The following TLN2 variants were observed in gnomAD, a reference collection of about 807,000 sequenced individuals.
TLN2 encodes talin 2, also known as talin-2.
TLN2 carries 118 observed loss-of-function variants against 294.7 expected under a neutral mutation model. The observed-to-expected ratio is 0.40, with a 90% CI of 0.34 to 0.47. The LOEUF (loss-of-function observed/expected upper bound fraction) is 0.47, where lower values mean the gene tolerates loss of function less well. TLN2 is among the 20% of genes least tolerant of loss of function. The probability of loss-of-function intolerance (pLI) is 0.84; values close to 1 mark genes in which losing one functional copy is unlikely to be tolerated. For missense variants in TLN2, 3,083 were observed against 3,282.2 expected (o/e 0.94, Z 1.48); for synonymous variants, 1,431 against 1,304.5 (o/e 1.10, Z -2.09).
rs369958127 is a variant in TLN2 at position 62,756,776 on chromosome 15, G to A, written c.4638+1083G>A. Among the ~76,000 whole-genome samples, 3 of 152,200 alleles carry A rather than the reference G, an allele frequency of 2.0e-5. No homozygotes were observed. The East Asian group carries it at 5.8e-4, about 30-fold the overall frequency. ...AATTGCATGCAGAAATCAGTCAACA[G>A]GATGACCAAGCAGAGGCAAAAGGAG... On this transcript the variant is annotated intron_variant, in intron 37 of 58. Coordinates refer to ENST00000636159, the MANE Select transcript of TLN2 (RefSeq NM_015059.3).
Position 62,764,070 on chromosome 15 carries a change from A to G in TLN2, c.5094+375A>G, listed in dbSNP as rs142541009. Among the ~76,000 whole-genome samples, 635 of 152,330 alleles carry G rather than the reference A, an allele frequency of 4.2e-3. 1 individual carries two copies. The highest frequency in any genetic ancestry group is 7.1e-3 in the Non-Finnish European group (482 of 68,028). The stretch of plus-strand genomic sequence containing the variant: ...GAATAATTCTCTGTTGTCGTATTTC[A>G]TCAGTGTGCTTTTTAGTTAGTTGGC... On this transcript the variant is annotated intron_variant, in intron 40 of 58. Transcript: ENST00000636159.
At chr15:62,628,398 G>A (rs766256322) in intron 3 of TLN2, among the ~76,000 whole-genome samples, 2 of 152,200 alleles carry the variant, frequency 1.3e-5, no homozygotes, top group African/African-American at 4.8e-5. Context: ...AATTACACAG[G>A]AGCAAAAGTG....
At chr15:62,664,625 G>A (rs1039255940) in intron 9 of TLN2, among the ~76,000 whole-genome samples, 2 of 151,906 alleles carry the variant, frequency 1.3e-5, no homozygotes, top group Non-Finnish European at 2.9e-5. Flanking sequence ...TTGGGAGGCC[G>A]AAGTGGGTGG....
At chr15:62,640,964 G>A (rs575241877) in intron 3 of TLN2, among the ~76,000 whole-genome samples, 136 of 151,972 alleles carry the variant, frequency 8.9e-4, no homozygotes, top group African/African-American at 3.0e-3. Flanking sequence ...ACCATGCTCG[G>A]CTAATTTTTG....
rs1430272230 is a variant in TLN2 at position 62,763,678 on chromosome 15, G to A, written c.5077G>A (p.Asp1693Asn). 1.2e-6 allele frequency: 2 copies of A among 1,610,434 alleles called. No individual in the cohort carries two copies. Among genetic ancestry groups the A allele is most frequent in the Non-Finnish European group, 1.7e-6 (2 of 1,178,448 alleles). Residue 1693 changes from aspartate to asparagine, a missense_variant, in exon 40 of 59, where the codon GAC (aspartate) becomes AAC (asparagine). Transcript: ENST00000636159. ...CGTCAGCCAGAGCCTGGCCACGAGG[G>A]ACGACATCTCTGTGGAGGTAAGCTG... ...AAVSQSLATR[D>N]DISVEALQEQ...
intron 3 of TLN2, among the ~76,000 whole-genome samples, chr15:62,618,783 G>A (rs1363045546): frequency 6.6e-6 from 1 of 152,168 alleles, no homozygotes; most frequent in Middle Eastern, 3.2e-3. Flanking sequence ...CTGATGTGTA[G>A]GTTTTTAGAG....
intron 4 of TLN2, 99 bp downstream of exon 4, chr15:62,647,545 T>C: frequency 6.6e-7 from 1 of 1,510,102 alleles, no homozygotes; most frequent in Non-Finnish European, 9.1e-7. Flanking sequence ...ACAAGCCTAT[T>C]AGTGCATATG....
At chr15:62,649,653 C>G (rs2052361239) in intron 4 of TLN2, among the ~76,000 whole-genome samples, 1 of 152,146 alleles carries the variant, frequency 6.6e-6, no homozygotes. Context: ...GACGTAAAGG[C>G]TTCATTTGTC....
chr15:62,393,839 T>G (rs2032303339), intron 1 of TLN2, among the ~76,000 whole-genome samples: 1 of 151,716 alleles, frequency 6.6e-6, no homozygotes, highest in Non-Finnish European at 1.5e-5. Context: ...TTGTTGCCTC[T>G]TGCCTGATTC....
chr15:62,541,232 TA>T (rs1244886433), intron 1 of TLN2, among the ~76,000 whole-genome samples: 2 of 152,128 alleles, frequency 1.3e-5, no homozygotes, highest in Non-Finnish European at 2.9e-5. Flanking sequence ...ATAACAACAT[TA>T]AAAATAGGAA....
chr15:62,748,375 A>T lies in TLN2; in HGVS notation c.4050A>T (p.Gln1350His), dbSNP rs377488539. The change falls in exon 33 of 59, where the codon CAA becomes CAT. Residue 1350 changes from glutamine to histidine, a missense_variant. Physicochemically the swap from Gln to His is conservative, Grantham distance 24. Transcript: ENST00000636159. The stretch of plus-strand genomic sequence containing the variant: ...GAGCTGTGACAGAGAGCATCAATCA[A>T]CTCATCACTCTGTGTACCCAACAAG... The part of the protein sequence containing the change: ...AARAVTESIN[Q>H]LITLCTQQAP... The T allele has an allele frequency of 6.2e-7, 1 of 1,613,112 alleles. No individual in the cohort carries two copies. Among genetic ancestry groups the T allele is most frequent in the Non-Finnish European group, 8.5e-7 (1 of 1,179,930 alleles).
At chr15:62,607,670 C>G (rs970006481) in intron 2 of TLN2, among the ~76,000 whole-genome samples, 6 of 152,148 alleles carry the variant, frequency 3.9e-5, no homozygotes, top group Admixed American at 3.9e-4. Flanking sequence ...GTGATTTTGT[C>G]TTCATTCCTT....
At chr15:62,685,759 T>TA (rs1241269795) in intron 11 of TLN2, among the ~76,000 whole-genome samples, 1 of 152,248 alleles carries the variant, frequency 6.6e-6, no homozygotes, top group Non-Finnish European at 1.5e-5. Flanking sequence ...ACATAGACAG[T>TA]ATATGAAGTC....
At chr15:62,746,186 CAG>C (rs932428862) in intron 32 of TLN2, among the ~76,000 whole-genome samples, 7 of 152,066 alleles carry the variant, frequency 4.6e-5, no homozygotes, top group African/African-American at 1.5e-4. Context: ...ACAGGAAACA[CAG>C]AGAGAATTAA....
At chr15:62,477,901 G>A (rs1224802616) in intron 1 of TLN2, among the ~76,000 whole-genome samples, 1 of 143,004 alleles carries the variant, frequency 7.0e-6, no homozygotes, top group African/African-American at 2.6e-5. Context: ...GGGGGGGATG[G>A]AGGGGGGGGT....
chr15:62,457,909 T>G (rs1051905197), intron 1 of TLN2, among the ~76,000 whole-genome samples: 1 of 152,302 alleles, frequency 6.6e-6, no homozygotes, highest in Admixed American at 6.5e-5. Flanking sequence ...TTGTGTTGCT[T>G]GTCGTGACTT....
chr15:62,588,409 A>G (rs1322549225), intron 1 of TLN2, among the ~76,000 whole-genome samples: 1 of 151,296 alleles, frequency 6.6e-6, no homozygotes, highest in Non-Finnish European at 1.5e-5. Flanking sequence ...AACCAGGTGG[A>G]TGGATCACCT....
In TLN2 at chr15:62,793,396, A is replaced by G. The variant is rs117273134; in HGVS notation, c.5883+609A>G. Among the ~76,000 whole-genome samples, 749 of 152,314 alleles carry G rather than the reference A, an allele frequency of 4.9e-3. 3 individuals are homozygous for G. The highest frequency in any genetic ancestry group is 8.5e-3 in the Non-Finnish European group (581 of 68,026). On this transcript the variant is annotated intron_variant, in intron 46 of 58. Coordinates refer to ENST00000636159, the MANE Select transcript of TLN2 (RefSeq NM_015059.3). Reference sequence around the variant, plus strand: ...GAAGAAGGCTCTAAGATCTTAGCTAAGGTACTTCAGCTTTCCACAACTTGA... The same window carrying G: ...GAAGAAGGCTCTAAGATCTTAGCTAGGGTACTTCAGCTTTCCACAACTTGA...
intron 1 of TLN2, among the ~76,000 whole-genome samples, chr15:62,406,238 G>C (rs1473272315): frequency 3.9e-5 from 6 of 152,186 alleles, no homozygotes; most frequent in Non-Finnish European, 8.8e-5. Flanking sequence ...AGGACTGTGA[G>C]GGGGAGCCTG....
Sources: allele counts gnomAD v4.1 joint callset (sites outside exome capture counted in the v4.1 genomes callset), GRCh38; gene constraint gnomAD v4.1.1; transcripts MANE v1.5; gene names NCBI Gene and HGNC (gene_info 2026-07-23, HGNC 2026-07-21).